ZDHHC24: variants seen among roughly 807,000 people sequenced by gnomAD.
The protein encoded by ZDHHC24 is probable palmitoyltransferase ZDHHC24.
Under a neutral mutation model 23.2 loss-of-function variants are expected in ZDHHC24, and 17 were observed. That is an observed-to-expected ratio of 0.73 (90% CI 0.50 to 1.10). ZDHHC24 has a LOEUF of 1.10. ZDHHC24 is among the 50% of genes least tolerant of loss of function. The pLI is 0.00. For synonymous variants in ZDHHC24, 186 were observed against 194.5 expected, an observed-to-expected ratio of 0.96 and a Z score of 0.36; for missense variants, 366 against 393.0, an observed-to-expected ratio of 0.93 and a Z score of 0.58.
Position 66,539,378 on chromosome 11 carries a change from T to G in ZDHHC24, c.*151A>C. ...AGTCACGGCCCAAGCCCTGGACACG[T>G]AGGAGTGTAGGCGGGCAGGGGCAAG... On this transcript the variant is annotated 3_prime_UTR_variant, in exon 3 of 3. Coordinates refer to ENST00000310442, the MANE Select transcript of ZDHHC24 (RefSeq NM_207340.3). 1 of 1,366,138 alleles carries G rather than the reference T, an allele frequency of 7.3e-7. No homozygotes were observed. 84.6% of individuals were successfully genotyped at this position (1,366,138 alleles called of 1,614,324 possible). A position where few individuals can be genotyped will look rare whatever the true frequency, so the allele number is the denominator to read the frequency against.
At chr11:66,525,948 G>A (rs1856469673) in intron 4 of ZDHHC24, among the ~76,000 whole-genome samples, 1 of 152,214 alleles carries the variant, frequency 6.6e-6, no homozygotes, top group Non-Finnish European at 1.5e-5. Flanking sequence ...CTGGAACTGA[G>A]GTAGTGAGAT....
intron 1 of ZDHHC24, among the ~76,000 whole-genome samples, chr11:66,544,374 T>G (rs1857248559): frequency 6.6e-6 from 1 of 152,196 alleles, no homozygotes; most frequent in Admixed American, 6.5e-5. Flanking sequence ...GCAACCAAAC[T>G]GACCCTCCTC....
chr11:66,531,250 G>C (rs1245364149), downstream of ZDHHC24, among the ~76,000 whole-genome samples: 1 of 152,154 alleles, frequency 6.6e-6, no homozygotes, highest in Non-Finnish European at 1.5e-5. Flanking sequence ...GCCTGTGAGG[G>C]GTCTCCACGA....
At chr11:66,521,369 C>A in exon 5 of ZDHHC24, 1 of 1,613,922 alleles carries the variant, frequency 6.2e-7, no homozygotes, top group Non-Finnish European at 8.5e-7. Context: ...CATCTATATT[C>A]TGAGAAGGTA....
At chr11:66,535,580 C>T (rs1334777494), downstream of ZDHHC24, among the ~76,000 whole-genome samples, 4 of 151,960 alleles carry the variant, frequency 2.6e-5, no homozygotes, top group African/African-American at 7.3e-5. Context: ...TAATAGCATA[C>T]GATATCAGAT....
At chr11:66,534,170 C>T (rs1188251091), downstream of ZDHHC24, among the ~76,000 whole-genome samples, 3 of 150,552 alleles carry the variant, frequency 2.0e-5, no homozygotes, top group African/African-American at 4.9e-5. Context: ...ACTGGCTGGG[C>T]GTGGTAGCTC....
rs1857223554 is a variant in ZDHHC24, at chr11:66,543,793, A to G, written c.470T>C (p.Leu157Pro). 5 of 1,612,712 alleles carry G rather than the reference A, an allele frequency of 3.1e-6. No individual in the cohort carries two copies. The highest frequency in any genetic ancestry group is 4.2e-6 in the Non-Finnish European group (5 of 1,179,438). ...CAGCAGGGCCGACAGTGCAGGGCCC[A>G]GCAGCACAGAGACGTGGAGCAGGAC... The part of the protein sequence containing the change: ...AGVLLHVSVL[L>P]GPALSALLRA... Residue 157 changes from leucine to proline, a missense_variant, in exon 2 of 3, where the codon CTG (leucine) becomes CCG (proline). Physicochemically the swap from Leu to Pro is moderately conservative, Grantham distance 98 (BLOSUM62 -3). Transcript: ENST00000310442.
intron 4 of ZDHHC24, chr11:66,526,668 G>C (rs761389294): frequency 6.2e-7 from 1 of 1,614,222 alleles, no homozygotes; most frequent in Non-Finnish European, 8.5e-7. Context: ...TGATCATCAA[G>C]ATCCTGAAGC....
intron 4 of ZDHHC24, among the ~76,000 whole-genome samples, chr11:66,525,932 T>C (rs944490504): frequency 6.6e-6 from 1 of 152,084 alleles, no homozygotes; most frequent in Non-Finnish European, 1.5e-5. Context: ...GCCAGTGATA[T>C]TTGGTCTGGA....
rs1167767003 is a variant in ZDHHC24 at position 66,529,859 on chromosome 11, C to A, written c.560-371G>T. ...TCCAGACAGACCTATACCTGCTGCG[C>A]CTACGTGCTGCCCGCGCCTACCTGC... On this transcript the variant is annotated intron_variant, in intron 2 of 4. Transcript: ENST00000526986. The A allele has an allele frequency of 2.5e-6, 4 of 1,610,758 alleles. No homozygotes were observed. The African/African-American group carries it at 5.3e-5, about 22-fold the overall frequency.
intron 1 of ZDHHC24, 130 bp from the exon 2 acceptor site, chr11:66,544,111 T>C: frequency 8.2e-7 from 1 of 1,221,146 alleles, no homozygotes. Context: ...TCAATTTCTT[T>C]ACAAGTAAAT....
chr11:66,545,902 A>C lies in ZDHHC24; in HGVS notation c.102T>G (p.Ala34=). 2.0e-6 allele frequency: 3 copies of C among 1,538,426 alleles called. No homozygotes were observed. In the South Asian group the frequency reaches 3.6e-5, roughly 18 times the overall value. ...GCCCGGGACCGAGCACCAGCACGTAAGCCAGCTCCAGGCCCACGGCCGCGG... is the reference window on the plus strand; with the variant it reads ...GCCCGGGACCGAGCACCAGCACGTACGCCAGCTCCAGGCCCACGGCCGCGG... ...LWAAAVGLEL[A]YVLVLGPGPP... The change falls in exon 1 of 3, where the codon GCT becomes GCG. Residue 34 remains alanine (A), a synonymous_variant. Coordinates refer to ENST00000310442, the MANE Select transcript of ZDHHC24 (RefSeq NM_207340.3). The surrounding 1 kb of genome is among the most constrained non-coding windows in gnomAD (Gnocchi z 4.5).
In ZDHHC24 at chr11:66,539,628, G is replaced by C; in HGVS notation, c.756C>G (p.Arg252=). The stretch of plus-strand genomic sequence containing the variant: ...AGGGCCAGAGCCAGACGAGGGCCCA[G>C]CGGGGCCCCAGGGCTGCCTGCAGGT... ...CHNLQAALGP[R]WALVWLWPFL... Residue 252 remains arginine, a synonymous_variant, in exon 3 of 3, where the codon CGC becomes CGG. Coordinates refer to ENST00000310442, the MANE Select transcript of ZDHHC24 (RefSeq NM_207340.3). 6.2e-7 allele frequency: 1 copy of C among 1,612,832 alleles called. No homozygotes were observed. The highest frequency in any genetic ancestry group is 8.5e-7 in the Non-Finnish European group (1 of 1,179,688).
chr11:66,528,750 C>G (rs1401699862), intron 3 of ZDHHC24, among the ~76,000 whole-genome samples: 2 of 151,988 alleles, frequency 1.3e-5, no homozygotes, highest in African/African-American at 4.8e-5. Flanking sequence ...GGGCAGATCA[C>G]CTGAGGTCAG....
intron 4 of ZDHHC24, chr11:66,526,758 G>C: frequency 2.5e-6 from 4 of 1,614,260 alleles, no homozygotes; most frequent in Non-Finnish European, 3.4e-6. Context: ...TGCCCCGAAA[G>C]ACCCGGCTTT....
intron 4 of ZDHHC24, chr11:66,526,089 A>G (rs1345122442): frequency 6.2e-7 from 1 of 1,610,572 alleles, no homozygotes; most frequent in South Asian, 1.1e-5. Flanking sequence ...TCTCCAAGAT[A>G]TTTCCCCAAC....
At chr11:66,531,928 C>T, downstream of ZDHHC24, 1 of 1,570,714 alleles carries the variant, frequency 6.4e-7, no homozygotes, top group Non-Finnish European at 8.6e-7. Context: ...ATGCCCCCTG[C>T]TGCCATGGCC....
At chr11:66,529,838 G>A (rs1856691642) in intron 2 of ZDHHC24, 1 of 1,611,138 alleles carries the variant, frequency 6.2e-7, no homozygotes, top group Non-Finnish European at 8.5e-7. Flanking sequence ...GGGCCTTCCA[G>A]ACAGACCTAT....
chr11:66,521,989 G>T (rs1856253060), intron 4 of ZDHHC24, among the ~76,000 whole-genome samples: 1 of 150,510 alleles, frequency 6.6e-6, no homozygotes, highest in Non-Finnish European at 1.5e-5. Context: ...AGGCCAACGT[G>T]GGTGGATCAT....
Sources: allele counts gnomAD v4.1 joint callset (sites outside exome capture counted in the v4.1 genomes callset), GRCh38; gene constraint gnomAD v4.1.1; non-coding constraint Gnocchi (gnomAD v3.1); transcripts MANE v1.5; gene names NCBI Gene and HGNC (gene_info 2026-07-23, HGNC 2026-07-21).